MYO1H: variants seen among roughly 807,000 people sequenced by gnomAD.
MYO1H encodes myosin IH.
A neutral mutation model predicts 149.3 loss-of-function variants in MYO1H; 118 were observed. The ratio of observed to expected loss-of-function variants is 0.79; its 90% CI spans 0.68 to 0.92. The LOEUF is 0.92. Ranked by LOEUF, MYO1H falls within the 40% of genes least tolerant of loss-of-function variation. The probability of loss-of-function intolerance (pLI) is 0.00; values close to 1 mark genes in which losing one functional copy is unlikely to be tolerated. For missense variants in MYO1H, 1,212 were observed against 1,280.7 expected (o/e 0.95, Z 0.82); for synonymous variants, 447 against 465.2 (o/e 0.96, Z 0.50).
At chr12:109,435,660 A>G (rs964105656) in intron 21 of MYO1H, among the ~76,000 whole-genome samples, 3 of 152,224 alleles carry the variant, frequency 2.0e-5, no homozygotes, top group Non-Finnish European at 4.4e-5. Flanking sequence ...CCTTTAAACC[A>G]TGGTCTCATT....
chr12:109,359,239 CCTT>C (rs1354547113), intron 1 of MYO1H: 1 of 151,992 alleles, frequency 6.6e-6, no homozygotes, highest in Non-Finnish European at 1.5e-5. Flanking sequence ...CTGAATGGAC[CCTT>C]CTTGACGATA....
intron 15 of MYO1H, among the ~76,000 whole-genome samples, chr12:109,418,245 T>C (rs963526887): frequency 2.0e-5 from 3 of 152,212 alleles, no homozygotes; most frequent in African/African-American, 7.2e-5. Flanking sequence ...ATTTTTGTGA[T>C]GGTGTCCTTT....
At chr12:109,433,074 T>G (rs1419689284) in intron 20 of MYO1H, 64 bp downstream of exon 20, 25 of 1,328,154 alleles carry the variant, frequency 1.9e-5, no homozygotes, top group Non-Finnish European at 2.1e-5. Context: ...TGTGCATTGA[T>G]CCGTATCCAT....
At chr12:109,430,134 A>G (rs1016888596) in intron 19 of MYO1H, among the ~76,000 whole-genome samples, 4 of 152,240 alleles carry the variant, frequency 2.6e-5, no homozygotes, top group African/African-American at 9.6e-5. Flanking sequence ...CGATCAGTCC[A>G]TAGCATTCAG....
chr12:109,320,956 C>T, the MYO1H span, among the ~76,000 whole-genome samples: 2 of 151,874 alleles, frequency 1.3e-5, no homozygotes, highest in East Asian at 2.0e-4. Context: ...GGCATGGCGG[C>T]GGGTACCTGT....
At chr12:109,326,921 A>G in the MYO1H span, among the ~76,000 whole-genome samples, 1 of 152,002 alleles carries the variant, frequency 6.6e-6, no homozygotes, top group Non-Finnish European at 1.5e-5. Flanking sequence ...TGCCAAACTT[A>G]TAAACTTTCC....
intron 5 of MYO1H, among the ~76,000 whole-genome samples, chr12:109,398,741 CAAAAAAAA>C (rs35031072): frequency 9.6e-5 from 5 of 51,994 alleles, no homozygotes; most frequent in Admixed American, 2.7e-4. Context: ...AACTTCCTCT[CAAAAAAAA>C]AAAAAAAAAA....
intron 1 of MYO1H, among the ~76,000 whole-genome samples, chr12:109,361,570 C>G (rs1386070009): frequency 6.6e-6 from 1 of 152,170 alleles, no homozygotes; most frequent in Non-Finnish European, 1.5e-5. Flanking sequence ...CTTTGGGAGG[C>G]CGAGGCAGGC....
intron 19 of MYO1H, among the ~76,000 whole-genome samples, chr12:109,428,723 C>A (rs10850135): frequency 0.33 from 50,204 of 151,940 alleles, 8,447 homozygotes; most frequent in Admixed American, 0.4. Flanking sequence ...TTTGCCCATC[C>A]GCTACTTATT....
the MYO1H span, among the ~76,000 whole-genome samples, chr12:109,333,280 A>G: frequency 6.6e-6 from 1 of 152,170 alleles, no homozygotes; most frequent in Non-Finnish European, 1.5e-5. Context: ...AGACCGCACC[A>G]TCGCACTCTA....
intron 11 of MYO1H, 53 bp downstream of exon 11, chr12:109,409,677 A>C: frequency 1.4e-6 from 2 of 1,410,524 alleles, no homozygotes; most frequent in Non-Finnish European, 2.0e-6. Flanking sequence ...TTAAGATTTC[A>C]GTCGAGATTT....
At chr12:109,399,072 G>A (rs1483929828) in intron 5 of MYO1H, among the ~76,000 whole-genome samples, 1 of 152,186 alleles carries the variant, frequency 6.6e-6, no homozygotes, top group Non-Finnish European at 1.5e-5. Context: ...GTATGAGCAC[G>A]GAGCTCAATG....
intron 21 of MYO1H, 110 bp downstream of exon 21, chr12:109,435,223 T>C: frequency 1.5e-6 from 1 of 668,000 alleles, no homozygotes; most frequent in Non-Finnish European, 2.5e-6. Flanking sequence ...AGCATTCGCT[T>C]TGGAAACTAG....
At chr12:109,349,985 TTATTA>T (rs1376897219) in intron 1 of MYO1H, among the ~76,000 whole-genome samples, 1 of 148,966 alleles carries the variant, frequency 6.7e-6, no homozygotes, top group African/African-American at 2.4e-5. Flanking sequence ...GTTAATATTA[TTATTA>T]TATTATTTTA....
At chr12:109,312,525 A>G in the MYO1H span, among the ~76,000 whole-genome samples, 1 of 152,118 alleles carries the variant, frequency 6.6e-6, no homozygotes, top group Non-Finnish European at 1.5e-5. Flanking sequence ...GTGAGTCACC[A>G]CGGCCCGGCC....
chr12:109,314,231 CT>C, the MYO1H span, among the ~76,000 whole-genome samples: 11,597 of 140,248 alleles, frequency 0.083, 602 homozygotes, highest in African/African-American at 0.15. Flanking sequence ...TTTTTTTAAG[CT>C]TTTTAAAAAA....
rs1158287635 is a variant in MYO1H, at chr12:109,414,476, C to CAAA, written c.1503-1035_1503-1033dup. 4.2e-3 allele frequency among the ~76,000 whole-genome samples: 238 copies of CAAA among 57,348 alleles called. 1 individual carries two copies. The highest frequency in any genetic ancestry group is 0.013 in the African/African-American group (210 of 16,660). The allele number at this position is 57,348 out of a possible 152,430, so 37.6% of individuals were successfully genotyped here. A position where few individuals can be genotyped will look rare whatever the true frequency, so the allele number is the denominator to read the frequency against. On this transcript the variant is annotated intron_variant, in intron 14 of 31. Transcript: ENST00000310903. ...TGGGAGACAGAGTGAGACTCCATCTCAAAAAAAAAAAAAAAAAGAAAGAAA... is the reference window on the plus strand; with the variant it reads ...TGGGAGACAGAGTGAGACTCCATCTCAAAAAAAAAAAAAAAAAAAAGAAAGAAA...
the MYO1H span, among the ~76,000 whole-genome samples, chr12:109,315,917 A>G: frequency 8.3e-4 from 127 of 152,324 alleles, no homozygotes; most frequent in Non-Finnish European, 1.6e-3. Context: ...ACGAGGTGCT[A>G]AGTTCTATAC....
intron 1 of MYO1H, among the ~76,000 whole-genome samples, chr12:109,356,332 C>G (rs1453677385): frequency 6.6e-6 from 1 of 152,020 alleles, no homozygotes; most frequent in Non-Finnish European, 1.5e-5. Flanking sequence ...AGAAAGATAG[C>G]TGTGGATACC....
Sources: allele counts gnomAD v4.1 joint callset (sites outside exome capture counted in the v4.1 genomes callset), GRCh38; gene constraint gnomAD v4.1.1; transcripts MANE v1.5; gene names NCBI Gene and HGNC (gene_info 2026-07-23, HGNC 2026-07-21).